GRIA1: variants seen among roughly 807,000 people sequenced by gnomAD.
The protein encoded by GRIA1 is glutamate ionotropic receptor AMPA type subunit 1, also known as glutamate receptor 1.
In GRIA1, 31 loss-of-function variants were observed where a neutral mutation model predicts 99.2. That is an observed-to-expected ratio of 0.31 (90% CI 0.23 to 0.42). The LOEUF is 0.42. GRIA1 is among the 10% of genes least tolerant of loss of function. The pLI is 1.00. For missense variants in GRIA1, 782 were observed against 1,157.5 expected (o/e 0.68, Z 4.71); for synonymous variants, 438 against 432.4 (o/e 1.01, Z -0.16).
At chr5:153,577,249 T>G (rs17114838) in intron 2 of GRIA1, among the ~76,000 whole-genome samples, 6,289 of 133,710 alleles carry the variant, frequency 0.047, 303 homozygotes, top group South Asian at 0.11. Context: ...AAGTATCTGC[T>G]GTATTTTATC....
At chr5:153,802,328 C>A (rs1272305405) in intron 14 of GRIA1, 28 bp from the exon 15 acceptor site, 2 of 1,611,672 alleles carry the variant, frequency 1.2e-6, no homozygotes, top group Non-Finnish European at 1.7e-6. Context: ...CTTCCCCCTC[C>A]CCTTCCTTTC....
intron 2 of GRIA1, among the ~76,000 whole-genome samples, chr5:153,514,230 A>G (rs1191448688): frequency 3.3e-5 from 5 of 152,172 alleles, no homozygotes; most frequent in African/African-American, 9.7e-5. Flanking sequence ...TTTGTTGTCT[A>G]TGCTTTTGGG....
At chr5:153,742,439 CA>C (rs1399048434) in intron 11 of GRIA1, among the ~76,000 whole-genome samples, 1 of 152,172 alleles carries the variant, frequency 6.6e-6, no homozygotes, top group Non-Finnish European at 1.5e-5. Context: ...CGGCTTAAAA[CA>C]AAACAAATAT....
intron 11 of GRIA1, among the ~76,000 whole-genome samples, chr5:153,741,042 T>A (rs1443787542): frequency 7.3e-6 from 1 of 137,406 alleles, no homozygotes; most frequent in African/African-American, 2.7e-5. Context: ...AGTGGCACAA[T>A]CTCTTCTCAC....
intron 13 of GRIA1, among the ~76,000 whole-genome samples, chr5:153,773,186 C>T (rs1763995656): frequency 6.6e-6 from 1 of 152,158 alleles, no homozygotes; most frequent in Admixed American, 6.5e-5. Context: ...CTATGAAGTA[C>T]CATTATTTCC....
intron 2 of GRIA1, among the ~76,000 whole-genome samples, chr5:153,587,023 T>G (rs1266116543): frequency 3.9e-5 from 6 of 152,192 alleles, no homozygotes; most frequent in Non-Finnish European, 2.9e-5. Flanking sequence ...TTCTGATTCT[T>G]TGCCTCCTGC....
At position 153,713,948 on chromosome 5, in the gene GRIA1, C is replaced by T. The variant is rs1759495143; in HGVS notation, c.1823+7881C>T. 2.6e-5 allele frequency among the ~76,000 whole-genome samples: 4 copies of T among 152,146 alleles called. No individual in the cohort carries two copies. In the South Asian group the frequency reaches 8.3e-4, roughly 32 times the overall value. The stretch of plus-strand genomic sequence containing the variant: ...CATAGCAGACAAAAGCTCCTACTCT[C>T]CTGGAGCTTGCATTCCAGAGAGAAG... On this transcript the variant is annotated intron_variant, in intron 11 of 15. Transcript: ENST00000285900.
chr5:153,498,801 C>A (rs1754687094), intron 2 of GRIA1, among the ~76,000 whole-genome samples: 1 of 152,102 alleles, frequency 6.6e-6, no homozygotes, highest in South Asian at 2.1e-4. Context: ...TTTTCTAGAG[C>A]TGAGAAGTGC....
At chr5:153,489,736 G>T (rs1483371313), upstream of GRIA1, 1 of 455,370 alleles carries the variant, frequency 2.2e-6, no homozygotes, top group African/African-American at 2.0e-5. Context: ...AGTCTATGAA[G>T]TTCCAGCTTA....
intron 2 of GRIA1, among the ~76,000 whole-genome samples, chr5:153,538,481 A>G (rs926710928): frequency 2.6e-5 from 4 of 152,066 alleles, no homozygotes; most frequent in Admixed American, 2.0e-4. Flanking sequence ...CAACTGGTAG[A>G]TCTGCCCTCA....
At chr5:153,548,673 G>T (rs1759832477) in intron 2 of GRIA1, among the ~76,000 whole-genome samples, 1 of 152,010 alleles carries the variant, frequency 6.6e-6, no homozygotes, top group Non-Finnish European at 1.5e-5. Context: ...TTATATGAGG[G>T]ATACATGTTT....
intron 11 of GRIA1, among the ~76,000 whole-genome samples, chr5:153,753,029 A>T (rs879616260): frequency 2.6e-5 from 4 of 152,216 alleles, no homozygotes; most frequent in Non-Finnish European, 5.9e-5. Context: ...GCCAGCAAGG[A>T]AACAGTGACC....
chr5:153,640,264 A>G (rs1753693589), intron 2 of GRIA1, among the ~76,000 whole-genome samples: 1 of 152,096 alleles, frequency 6.6e-6, no homozygotes, highest in Non-Finnish European at 1.5e-5. Flanking sequence ...ACCTGGGAGG[A>G]TGGCTTTTCT....
chr5:153,597,127 C>T lies in GRIA1; in HGVS notation c.221-49801C>T, dbSNP rs866882115. 5.3e-5 allele frequency among the ~76,000 whole-genome samples: 8 copies of T among 152,304 alleles called. No homozygotes were observed. The Middle Eastern group carries it at 0.01, about 194-fold the overall frequency. On this transcript the variant is annotated intron_variant, in intron 2 of 15. Transcript: ENST00000285900. ...AAGGGTTCACTCTGCGGGAGACTGA[C>T]GGTTTTGAACATTTCAGCTCTGCAG... is the stretch of plus-strand genomic sequence containing the variant.
At chr5:153,521,837 T>A (rs1014559672) in intron 2 of GRIA1, among the ~76,000 whole-genome samples, 3 of 152,234 alleles carry the variant, frequency 2.0e-5, no homozygotes, top group African/African-American at 7.2e-5. Flanking sequence ...ACATTGAATC[T>A]GATTTATGTG....
At chr5:153,714,214 C>A (rs116719829) in intron 11 of GRIA1, among the ~76,000 whole-genome samples, 1 of 152,224 alleles carries the variant, frequency 6.6e-6, no homozygotes, top group African/African-American at 2.4e-5. Flanking sequence ...GAACTCCATG[C>A]AGACCAAACA....
chr5:153,717,298 A>T (rs2149534842), intron 11 of GRIA1, among the ~76,000 whole-genome samples: 1 of 152,316 alleles, frequency 6.6e-6, no homozygotes, highest in Middle Eastern at 3.4e-3. Flanking sequence ...GAAGCAATGA[A>T]TGGTGCCTTG....
At chr5:153,530,282 ATGGTACACTGCTC>A (rs940558891) in intron 2 of GRIA1, among the ~76,000 whole-genome samples, 2 of 152,248 alleles carry the variant, frequency 1.3e-5, no homozygotes, top group Admixed American at 6.5e-5. Flanking sequence ...TTTAACTGCT[ATGGTACACTGCTC>A]TGTAGATGTT....
At chr5:153,551,510 GT>G (rs1760139370) in intron 2 of GRIA1, among the ~76,000 whole-genome samples, 1 of 152,116 alleles carries the variant, frequency 6.6e-6, no homozygotes, top group African/African-American at 2.4e-5. Context: ...AAAGGCTCCA[GT>G]TTGGATGGGA....
Sources: allele counts gnomAD v4.1 joint callset (sites outside exome capture counted in the v4.1 genomes callset), GRCh38; gene constraint gnomAD v4.1.1; transcripts MANE v1.5; gene names NCBI Gene and HGNC (gene_info 2026-07-23, HGNC 2026-07-21).